Variants in DNAH2 observed in about 807,000 individuals in gnomAD.
DNAH2 encodes the protein axonemal beta dynein heavy chain 2.
A neutral mutation model predicts 523.5 loss-of-function variants in DNAH2; 323 were observed. The observed-to-expected ratio is 0.62, with a 90% CI of 0.56 to 0.68. The LOEUF is 0.68. Among genes scored for constraint, DNAH2 ranks in the 30% least tolerant of loss-of-function variants. The pLI is 0.00. For synonymous variants in DNAH2, 2,093 were observed against 2,177.4 expected (o/e 0.96, Z 1.08); for missense variants, 4,907 against 5,701.5 (o/e 0.86, Z 4.49).
intron 12 of DNAH2, among the ~76,000 whole-genome samples, chr17:7,755,931 T>C (rs541211604): frequency 6.6e-6 from 1 of 151,426 alleles, no homozygotes; most frequent in South Asian, 2.1e-4. Flanking sequence ...TCCTGACTGA[T>C]ATCTCATTTA....
At chr17:7,803,731 T>C (rs890644685) in intron 58 of DNAH2, among the ~76,000 whole-genome samples, 1 of 151,854 alleles carries the variant, frequency 6.6e-6, no homozygotes, top group African/African-American at 2.4e-5. Context: ...TCCCAGCACG[T>C]TGGGAGGCTG....
chr17:7,818,910 TC>T lies in DNAH2; in HGVS notation c.10671-4del, dbSNP rs1212832524. The T allele has an allele frequency of 3.7e-6, 6 of 1,608,932 alleles. No homozygotes were observed. The African/African-American group carries it at 6.7e-5, about 18-fold the overall frequency. On this transcript the variant is annotated splice_polypyrimidine_tract_variant and splice_region_variant and intron_variant, in intron 70 of 85. Coordinates refer to ENST00000572933, the MANE Select transcript of DNAH2 (RefSeq NM_020877.5). ...CCCTTGCTCCATGTGCCTCTGGGCC[TC>T]CCCCTAGGCTGCTGAATGAGGCCAC...
chr17:7,800,341 G>A (rs531463369), intron 56 of DNAH2, among the ~76,000 whole-genome samples: 10 of 152,056 alleles, frequency 6.6e-5, no homozygotes, highest in African/African-American at 1.7e-4. Flanking sequence ...GTGAGCCACC[G>A]CGCCCAGCTA....
At chr17:7,747,666 A>G (rs754479941) in intron 12 of DNAH2, among the ~76,000 whole-genome samples, 5 of 152,152 alleles carry the variant, frequency 3.3e-5, no homozygotes, top group Non-Finnish European at 7.3e-5. Context: ...CCAAATATTT[A>G]TGGCTTGGGT....
chr17:7,758,944 A>T lies in DNAH2; in HGVS notation c.2268A>T (p.Gln756His). The T allele has an allele frequency of 6.2e-7, 1 of 1,614,198 alleles. No homozygotes were observed. Among genetic ancestry groups the T allele is most frequent in the Non-Finnish European group, 8.5e-7 (1 of 1,180,038 alleles). ...ASTLTIGWRAQEMSEKLLVRI... is the reference protein window; with the variant it reads ...ASTLTIGWRAHEMSEKLLVRI... ...CTCTGACCATTGGCTGGCGAGCCCA[A>T]GAGATGTCAGAGAAGCTGCTGGTAC... is the stretch of plus-strand genomic sequence containing the variant. Residue 756 changes from glutamine to histidine, a missense_variant, in exon 15 of 86, where the codon CAA becomes CAT. Physicochemically the swap from Gln to His is conservative, Grantham distance 24. Around this residue, in one of 3 missense-constraint regions of DNAH2, gnomAD observed 2,806 missense variants for 3,190.8 expected, o/e 0.88. Coordinates refer to ENST00000572933, the MANE Select transcript of DNAH2 (RefSeq NM_020877.5).
chr17:7,757,182 G>A lies in DNAH2; in HGVS notation c.1996G>A (p.Glu666Lys), dbSNP rs1390548929. Residue 666 changes from glutamate to lysine, a missense_variant, in exon 13 of 86, where the codon GAG becomes AAG. Physicochemically the swap from Glu to Lys is moderately conservative, Grantham distance 56. Coordinates refer to ENST00000572933, the MANE Select transcript of DNAH2 (RefSeq NM_020877.5). Reference sequence around the variant, plus strand: ...CGTGGTGAACGTAGCTGAGCGAGCCGAGGACCTGCGCATTCTGCGTGAAAA... The same window carrying A: ...CGTGGTGAACGTAGCTGAGCGAGCCAAGGACCTGCGCATTCTGCGTGAAAA... ...HYVVNVAERA[E>K]DLRILRENLL... 1.9e-6 allele frequency: 3 copies of A among 1,614,180 alleles called. No homozygotes were observed. Among genetic ancestry groups the A allele is most frequent in the South Asian group, 2.2e-5 (2 of 91,078 alleles).
chr17:7,728,356 T>G (rs2074888374), intron 4 of DNAH2, among the ~76,000 whole-genome samples: 1 of 152,190 alleles, frequency 6.6e-6, no homozygotes, highest in Non-Finnish European at 1.5e-5. Context: ...TTTGCTCATA[T>G]TGGCGGCACA....
intron 28 of DNAH2, among the ~76,000 whole-genome samples, chr17:7,773,179 T>C (rs2076364116): frequency 6.6e-6 from 1 of 152,198 alleles, no homozygotes; most frequent in African/African-American, 2.4e-5. Context: ...TACTATCTGA[T>C]TGGGGGTCTT....
chr17:7,723,763 C>A, intron 3 of DNAH2, 74 bp downstream of exon 3: 5 of 1,304,310 alleles, frequency 3.8e-6, no homozygotes, highest in Non-Finnish European at 5.5e-6. Context: ...TTGTGGATGG[C>A]ACATGAGGAA....
chr17:7,788,564 C>T (rs1261568907), intron 44 of DNAH2, among the ~76,000 whole-genome samples: 1 of 152,210 alleles, frequency 6.6e-6, no homozygotes, highest in African/African-American at 2.4e-5. Context: ...TTCTCCATCC[C>T]TTCAAAATAT....
chr17:7,768,354 T>C, intron 24 of DNAH2, 87 bp downstream of exon 24: 1 of 1,292,718 alleles, frequency 7.7e-7, no homozygotes, highest in Non-Finnish European at 1.1e-6. Flanking sequence ...CTCTCCGCAG[T>C]GTTCACAGCC....
chr17:7,725,404 A>G (rs1338065676), intron 3 of DNAH2, among the ~76,000 whole-genome samples: 3 of 131,158 alleles, frequency 2.3e-5, no homozygotes, highest in Non-Finnish European at 5.0e-5. Flanking sequence ...TTGTTATTTT[A>G]TTTGTATTTG....
chr17:7,726,595 G>A (rs574086321), intron 3 of DNAH2, among the ~76,000 whole-genome samples: 2 of 152,214 alleles, frequency 1.3e-5, no homozygotes, highest in African/African-American at 4.8e-5. Flanking sequence ...GAGCCACCGC[G>A]CCCAGCCCTC....
At chr17:7,731,704 T>G (rs1185871964) in intron 4 of DNAH2, among the ~76,000 whole-genome samples, 2 of 152,156 alleles carry the variant, frequency 1.3e-5, no homozygotes, top group Non-Finnish European at 2.9e-5. Flanking sequence ...GTATGTCATC[T>G]TCACAAAAAT....
chr17:7,805,339 G>C lies in DNAH2; in HGVS notation c.9388G>C (p.Val3130Leu), dbSNP rs1179313296. Residue 3130 changes from valine to leucine, a missense_variant, in exon 61 of 86, where the codon GTT becomes CTT. Physicochemically the swap from Val to Leu is conservative, Grantham distance 32. Around this residue, in one of 3 missense-constraint regions of DNAH2, gnomAD observed 1,851 missense variants for 2,139.4 expected, o/e 0.87. Coordinates refer to ENST00000572933, the MANE Select transcript of DNAH2 (RefSeq NM_020877.5). ...CCAAGTGGAGATAGTGATGCAGGCA[G>C]TTATGATTCTTCGAGGCAACGAGCC... ...PAQVEIVMQAVMILRGNEPTW... is the reference protein window; with the variant it reads ...PAQVEIVMQALMILRGNEPTW... The C allele has an allele frequency of 1.2e-6, 2 of 1,614,280 alleles. No homozygotes were observed. Among genetic ancestry groups the C allele is most frequent in the Non-Finnish European group, 1.7e-6 (2 of 1,180,056 alleles).
At position 7,776,509 on chromosome 17, in the gene DNAH2, G is replaced by A. The variant is rs556743228; in HGVS notation, c.4948-270G>A. Among the ~76,000 whole-genome samples, 386 of 152,142 alleles carry A rather than the reference G, an allele frequency of 2.5e-3. 2 individuals are homozygous for A. Among genetic ancestry groups the A allele is most frequent in the Middle Eastern group, 0.02 (6 of 294 alleles). On this transcript the variant is annotated intron_variant, in intron 31 of 85. Transcript: ENST00000572933. ...AAGAAATGAAGAAATGAGGGAACGA[G>A]AAGATGGAGTTAAAAGGAGGTGGCC...
At chr17:7,735,537 C>G (rs1239511504) in intron 7 of DNAH2, among the ~76,000 whole-genome samples, 1 of 152,074 alleles carries the variant, frequency 6.6e-6, no homozygotes, top group African/African-American at 2.4e-5. Flanking sequence ...CTCCTGGGCT[C>G]AAGGGATCCT....
At chr17:7,824,811 A>G in intron 77 of DNAH2, 84 bp downstream of exon 77, 1 of 1,195,228 alleles carries the variant, frequency 8.4e-7, no homozygotes, top group South Asian at 2.1e-5. Flanking sequence ...GGCTTAACCA[A>G]CAACAACATG....
At position 7,739,860 on chromosome 17, in the gene DNAH2, A is replaced by C. The variant is rs759878592; in HGVS notation, c.1298A>C (p.Lys433Thr). 2.4e-5 allele frequency: 38 copies of C among 1,614,030 alleles called. No homozygotes were observed. The highest frequency in any genetic ancestry group is 3.1e-5 in the Non-Finnish European group (37 of 1,180,002). Residue 433 changes from lysine (K) to threonine (T), a missense_variant, in exon 9 of 86, where the codon AAA (lysine) becomes ACA (threonine). Around this residue, in one of 3 missense-constraint regions of DNAH2, gnomAD observed 2,806 missense variants for 3,190.8 expected, o/e 0.88. Transcript: ENST00000572933. ...NLLEIEDIFHKNLHTLRAVRG... is the reference protein window; with the variant it reads ...NLLEIEDIFHTNLHTLRAVRG... ...CTGGAGATTGAGGACATCTTTCATA[A>C]AAATCTGCACACGCTGCGAGCCGTT...
Sources: gnomAD v4.1 joint callset for allele counts (sites outside exome capture counted in the v4.1 genomes callset) on GRCh38, gnomAD v4.1.1 for gene constraint, gnomAD v4.1.1 regional missense constraint, MANE v1.5 for transcripts, NCBI Gene and HGNC (gene_info 2026-07-23, HGNC 2026-07-21) for gene names.